Variants in KIF2A observed in about 807,000 individuals in gnomAD.
KIF2A encodes the protein kinesin-like protein KIF2A.
A neutral mutation model predicts 100.2 loss-of-function variants in KIF2A; 22 were observed. The ratio of observed to expected loss-of-function variants is 0.22; its 90% CI spans 0.16 to 0.31. The LOEUF is 0.31. Ranked by LOEUF, KIF2A falls within the 10% of genes least tolerant of loss-of-function variation. KIF2A has a pLI of 1.00. For synonymous variants in KIF2A, 268 were observed against 285.9 expected, an observed-to-expected ratio of 0.94 and a Z score of 0.63; for missense variants, 495 against 898.7, an observed-to-expected ratio of 0.55 and a Z score of 5.74.
At chr5:62,357,998 T>C in intron 8 of KIF2A, 139 bp from the exon 9 acceptor site, 2 of 707,530 alleles carry the variant, frequency 2.8e-6, no homozygotes, top group Non-Finnish European at 4.6e-6. Context: ...TCTTAGTGAG[T>C]TGCATTTTTA....
intron 18 of KIF2A, among the ~76,000 whole-genome samples, chr5:62,375,348 A>C (rs1235007276): frequency 6.6e-6 from 1 of 152,214 alleles, no homozygotes; most frequent in Non-Finnish European, 1.5e-5. Flanking sequence ...TTAGTTGCTT[A>C]CTACATGACA....
rs36051288 is a variant in KIF2A, at chr5:62,339,937, CT to C, written c.65-7175del. On this transcript the variant is annotated intron_variant, in intron 1 of 20. Coordinates refer to ENST00000407818, the MANE Select transcript of KIF2A (RefSeq NM_001098511.3). ...AATATCTGGGTAGTTACTTTTAGTA[CT>C]TTTTTTTTTTTTTTTTTGAGACAGA... Among the ~76,000 whole-genome samples the C allele has an allele frequency of 3.4e-3, 448 of 130,574 alleles. 3 individuals carry two copies. The highest frequency in any genetic ancestry group is 6.4e-3 in the African/African-American group (225 of 35,212). 85.7% of individuals were successfully genotyped at this position (130,574 alleles called of 152,430 possible). A position where few individuals can be genotyped will look rare whatever the true frequency, so the allele number is the denominator to read the frequency against.
At chr5:62,321,600 T>C (rs981027070) in intron 1 of KIF2A, among the ~76,000 whole-genome samples, 3 of 152,174 alleles carry the variant, frequency 2.0e-5, no homozygotes, top group Non-Finnish European at 4.4e-5. Flanking sequence ...TCTTATTCTG[T>C]CTCCCAGACT....
At chr5:62,348,020 A>G (rs764711033) in intron 2 of KIF2A, 28 bp from the exon 3 acceptor site, 7 of 1,600,948 alleles carry the variant, frequency 4.4e-6, no homozygotes, top group Admixed American at 1.7e-5. Context: ...TATACTCTCA[A>G]AAGACTATGT....
chr5:62,385,733 C>T lies in KIF2A; in HGVS notation c.*164C>T, dbSNP rs1741995704. On this transcript the variant is annotated 3_prime_UTR_variant, in exon 21 of 21. Coordinates refer to ENST00000407818, the MANE Select transcript of KIF2A (RefSeq NM_001098511.3). ...ATTTTGTGAAACACTCTTTTGTCTA[C>T]AAAATGCTTCTAGTCCAGGAGGCAC... 8 of 594,602 alleles carry T rather than the reference C, an allele frequency of 1.3e-5. No individual in the cohort carries two copies. The highest frequency in any genetic ancestry group is 2.4e-5 in the Non-Finnish European group (8 of 328,250). 36.8% of individuals were successfully genotyped at this position (594,602 alleles called of 1,614,324 possible).
In KIF2A at chr5:62,385,458, T is replaced by C. The variant is rs1293679219; in HGVS notation, c.2150-26T>C. On this transcript the variant is annotated intron_variant, in intron 20 of 20. Coordinates refer to ENST00000407818, the MANE Select transcript of KIF2A (RefSeq NM_001098511.3). ...CTTACTGCGTGTAATACAATACTTATTCCCTCTTTCTTTTCTTTTTCCAAG... is the reference window on the plus strand; with the variant it reads ...CTTACTGCGTGTAATACAATACTTACTCCCTCTTTCTTTTCTTTTTCCAAG... 5 of 1,496,574 alleles carry C rather than the reference T, an allele frequency of 3.3e-6. No individual in the cohort carries two copies. The South Asian group carries it at 4.8e-5, about 14-fold the overall frequency. 92.7% of individuals were successfully genotyped at this position (1,496,574 alleles called of 1,614,324 possible). A position where few individuals can be genotyped will look rare whatever the true frequency, so the allele number is the denominator to read the frequency against.
Position 62,386,781 on chromosome 5 carries a change from C to A in KIF2A, c.*1212C>A, listed in dbSNP as rs1742049448. 6.6e-6 allele frequency among the ~76,000 whole-genome samples: 1 copy of A among 152,192 alleles called. No individual in the cohort carries two copies. Among genetic ancestry groups the A allele is most frequent in the African/African-American group, 2.4e-5 (1 of 41,456 alleles). ...ACTAATACATTGGTATGGTGTAGGG[C>A]ATGCTACTTTTTAAACAGCAGCACT... On this transcript the variant is annotated 3_prime_UTR_variant, in exon 21 of 21. Coordinates refer to ENST00000407818, the MANE Select transcript of KIF2A (RefSeq NM_001098511.3).
intron 1 of KIF2A, among the ~76,000 whole-genome samples, chr5:62,329,724 A>G (rs1746543305): frequency 6.6e-6 from 1 of 152,218 alleles, no homozygotes; most frequent in South Asian, 2.1e-4. Flanking sequence ...ATTTTAAAGC[A>G]GCATTTGACA....
chr5:62,360,540 C>T (rs1748350791), intron 9 of KIF2A, among the ~76,000 whole-genome samples: 1 of 152,110 alleles, frequency 6.6e-6, no homozygotes, highest in Non-Finnish European at 1.5e-5. Flanking sequence ...CAGAAATTAG[C>T]TGGGTGTGGT....
At chr5:62,329,134 C>T (rs1273689487) in intron 1 of KIF2A, among the ~76,000 whole-genome samples, 1 of 151,952 alleles carries the variant, frequency 6.6e-6, no homozygotes, top group Non-Finnish European at 1.5e-5. Flanking sequence ...TCTCCTTGTT[C>T]CAAACTTTCA....
chr5:62,366,613 C>G, intron 16 of KIF2A, 132 bp downstream of exon 16: 1 of 556,954 alleles, frequency 1.8e-6, no homozygotes, highest in South Asian at 2.3e-5. Context: ...GGGCGGATCA[C>G]AAGGTCAGGA....
At chr5:62,377,865 G>A (rs1050428071) in intron 19 of KIF2A, 103 bp downstream of exon 19, 2 of 632,390 alleles carry the variant, frequency 3.2e-6, no homozygotes, top group South Asian at 2.6e-5. Flanking sequence ...ATACTTGTTT[G>A]TATATATGTA....
chr5:62,374,327 T>C (rs1741447487), intron 18 of KIF2A, among the ~76,000 whole-genome samples: 1 of 152,202 alleles, frequency 6.6e-6, no homozygotes, highest in Non-Finnish European at 1.5e-5. Flanking sequence ...TCTTAAGTGT[T>C]GTCTGGCTGC....
At chr5:62,350,320 C>T (rs1747786647) in intron 4 of KIF2A, among the ~76,000 whole-genome samples, 200 bp downstream of exon 4, 1 of 151,788 alleles carries the variant, frequency 6.6e-6, no homozygotes, top group African/African-American at 2.4e-5. Flanking sequence ...CTCTATCACC[C>T]AGTCTAGAGT....
chr5:62,382,290 A>G (rs1234070673), intron 20 of KIF2A, among the ~76,000 whole-genome samples: 2 of 152,162 alleles, frequency 1.3e-5, no homozygotes, highest in Non-Finnish European at 2.9e-5. Context: ...AAAAATTTAA[A>G]AATTAGCCAG....
intron 1 of KIF2A, among the ~76,000 whole-genome samples, chr5:62,318,051 AATAG>A (rs916212562): frequency 6.6e-6 from 1 of 152,182 alleles, no homozygotes; most frequent in African/African-American, 2.4e-5. Flanking sequence ...GTGCTGACAT[AATAG>A]ATTGATTTGG....
chr5:62,325,506 G>A (rs1003530269), intron 1 of KIF2A, among the ~76,000 whole-genome samples: 1 of 151,500 alleles, frequency 6.6e-6, no homozygotes. Context: ...CTTCTCAAAA[G>A]AAGACATACA....
chr5:62,321,946 C>T (rs1004186507), intron 1 of KIF2A, among the ~76,000 whole-genome samples: 8 of 151,884 alleles, frequency 5.3e-5, no homozygotes, highest in Admixed American at 1.3e-4. Flanking sequence ...TTTGAGACAG[C>T]GTCTCACTCT....
chr5:62,339,532 C>CCTTTTTTTTTTTTTTTTTTTTTTTT (rs1232369659), intron 1 of KIF2A, among the ~76,000 whole-genome samples: 5 of 141,698 alleles, frequency 3.5e-5, no homozygotes, highest in South Asian at 4.5e-4. Context: ...TTCTGTATTT[C>CCTTTTTTTTTTTTTTTTTTTTTTTT]TTCTCTTATT....
Sources: gnomAD v4.1 joint callset for allele counts (sites outside exome capture counted in the v4.1 genomes callset) on GRCh38, gnomAD v4.1.1 for gene constraint, MANE v1.5 for transcripts, NCBI Gene and HGNC (gene_info 2026-07-23, HGNC 2026-07-21) for gene names.